Variants in GNA14 observed in about 807,000 individuals in gnomAD.
The protein encoded by GNA14 is guanine nucleotide-binding protein subunit alpha-14.
Under a neutral mutation model 42.0 loss-of-function variants are expected in GNA14, and 50 were observed. The observed-to-expected ratio is 1.19, with a 90% confidence interval of 0.95 to 1.51. GNA14 has a LOEUF of 1.51. Ranked by LOEUF, GNA14 falls within the 40% of genes most tolerant of loss-of-function variation. The pLI is 0.00. For missense variants in GNA14, 473 were observed against 446.2 expected, an observed-to-expected ratio of 1.06 and a Z score of -0.54; for synonymous variants, 173 against 163.1, an observed-to-expected ratio of 1.06 and a Z score of -0.46.
intron 1 of GNA14, among the ~76,000 whole-genome samples, chr9:77,623,763 T>C (rs1028445782): frequency 1.3e-5 from 2 of 152,166 alleles, no homozygotes; most frequent in African/African-American, 4.8e-5. Context: ...CCGACGGTCT[T>C]CGGAACCCGC....
intron 2 of GNA14, among the ~76,000 whole-genome samples, chr9:77,448,121 G>C (rs1377430945): frequency 1.3e-5 from 2 of 152,216 alleles, no homozygotes; most frequent in Non-Finnish European, 2.9e-5. Context: ...GCTATGCCTT[G>C]TGATATGATC....
chr9:77,637,347 A>G (rs985068003), intron 1 of GNA14, among the ~76,000 whole-genome samples: 15 of 152,150 alleles, frequency 9.9e-5, no homozygotes, highest in African/African-American at 2.9e-4. Flanking sequence ...TAAACCTAAG[A>G]AGCACACACT....
At chr9:77,431,203 A>G in intron 4 of GNA14, 118 bp downstream of exon 4, 1 of 872,240 alleles carries the variant, frequency 1.1e-6, no homozygotes, top group Non-Finnish European at 1.8e-6. Flanking sequence ...CTTGGCAGAG[A>G]GGGTCACTCT....
intron 2 of GNA14, among the ~76,000 whole-genome samples, chr9:77,510,771 A>G (rs1037003474): frequency 3.3e-5 from 5 of 152,182 alleles, no homozygotes; most frequent in African/African-American, 1.2e-4. Context: ...CCCCTAGGAT[A>G]TAATTAGGAG....
At chr9:77,431,185 T>C in intron 4 of GNA14, 136 bp downstream of exon 4, 1 of 765,272 alleles carries the variant, frequency 1.3e-6, no homozygotes, top group Non-Finnish European at 2.1e-6. Context: ...ACCACAATTC[T>C]AAATACCCTT....
In GNA14 at chr9:77,644,037, C is replaced by T. The variant is rs143604293; in HGVS notation, c.124+3633G>A. Among the ~76,000 whole-genome samples the T allele has an allele frequency of 4.3e-3, 648 of 152,218 alleles. 1 individual carries two copies. The highest frequency in any genetic ancestry group is 6.6e-3 in the Non-Finnish European group (452 of 68,010). On this transcript the variant is annotated intron_variant, in intron 1 of 6. Coordinates refer to ENST00000341700, the MANE Select transcript of GNA14 (RefSeq NM_004297.4). The stretch of plus-strand genomic sequence containing the variant: ...TGTTTCTGGCTGAATTTAGTCCTCC[C>T]GCCAAAGTTTTTATGTTGAAATCCC...
At chr9:77,517,838 G>A (rs928741766) in intron 2 of GNA14, among the ~76,000 whole-genome samples, 5 of 151,730 alleles carry the variant, frequency 3.3e-5, no homozygotes, top group African/African-American at 1.2e-4. Context: ...CTCCTGGGCT[G>A]AAGCAATCCA....
At chr9:77,577,322 A>T (rs1417265539) in intron 1 of GNA14, among the ~76,000 whole-genome samples, 2 of 152,226 alleles carry the variant, frequency 1.3e-5, no homozygotes, top group Non-Finnish European at 2.9e-5. Flanking sequence ...TGAATTCCAG[A>T]TCAATCCTAT....
chr9:77,604,203 C>G (rs558040964), intron 1 of GNA14, among the ~76,000 whole-genome samples: 1 of 152,142 alleles, frequency 6.6e-6, no homozygotes, highest in Non-Finnish European at 1.5e-5. Context: ...CTTCAGTCAA[C>G]AAATTTGCAA....
Position 77,583,752 on chromosome 9 carries a change from G to A in GNA14, c.125-54499C>T, listed in dbSNP as rs536941315. On this transcript the variant is annotated intron_variant, in intron 1 of 6. Transcript: ENST00000341700. Reference sequence around the variant, plus strand: ...AACTTTTCTGTGCATACCACCTGGGGATCTTGTTAAAAATGCAGAGTCTGA... The same window carrying A: ...AACTTTTCTGTGCATACCACCTGGGAATCTTGTTAAAAATGCAGAGTCTGA... Among the ~76,000 whole-genome samples, 3 of 152,204 alleles carry A rather than the reference G, an allele frequency of 2.0e-5. No homozygotes were observed. The South Asian group carries it at 6.2e-4, about 32-fold the overall frequency.
At chr9:77,618,972 C>G (rs1480722043) in intron 1 of GNA14, among the ~76,000 whole-genome samples, 2 of 151,792 alleles carry the variant, frequency 1.3e-5, no homozygotes, top group Non-Finnish European at 2.9e-5. Context: ...CATATATTAA[C>G]AATAATTTTA....
chr9:77,448,719 C>T (rs1835862338), intron 2 of GNA14, among the ~76,000 whole-genome samples: 1 of 152,154 alleles, frequency 6.6e-6, no homozygotes. Flanking sequence ...CCCATAAACT[C>T]TTTGCCAGGC....
intron 1 of GNA14, 47 bp from the exon 2 acceptor site, chr9:77,529,300 G>C (rs1360780967): frequency 4.9e-6 from 7 of 1,435,898 alleles, no homozygotes; most frequent in Non-Finnish European, 5.9e-6. Flanking sequence ...ACTTCCAAAG[G>C]AACACACGAA....
intron 2 of GNA14, 52 bp from the exon 3 acceptor site, chr9:77,434,574 C>A: frequency 6.6e-7 from 1 of 1,505,784 alleles, no homozygotes; most frequent in Non-Finnish European, 9.2e-7. Context: ...GAAGCCAACC[C>A]ATTGGCAATG....
intron 1 of GNA14, among the ~76,000 whole-genome samples, chr9:77,583,303 C>T (rs965164814): frequency 1.3e-5 from 2 of 152,178 alleles, no homozygotes; most frequent in Admixed American, 6.5e-5. Flanking sequence ...TAAATTTACA[C>T]CCGAGGTCAT....
chr9:77,535,290 G>C (rs1353627747), intron 1 of GNA14, among the ~76,000 whole-genome samples: 2 of 152,218 alleles, frequency 1.3e-5, no homozygotes, highest in African/African-American at 2.4e-5. Flanking sequence ...TGTAATCCCA[G>C]CACTTTGGGA....
chr9:77,544,671 CAAAAAAA>C (rs397959672), intron 1 of GNA14, among the ~76,000 whole-genome samples: 1 of 58,558 alleles, frequency 1.7e-5, no homozygotes. Flanking sequence ...CACTGCATCT[CAAAAAAA>C]AAAAAAAAAA....
At chr9:77,551,143 A>T (rs554870750) in intron 1 of GNA14, among the ~76,000 whole-genome samples, 1 of 152,198 alleles carries the variant, frequency 6.6e-6, no homozygotes, top group South Asian at 2.1e-4. Context: ...ATTATACTTT[A>T]TACAGAATGT....
At chr9:77,640,871 C>CAAAAAAA (rs1178043976) in intron 1 of GNA14, among the ~76,000 whole-genome samples, 8 of 27,364 alleles carry the variant, frequency 2.9e-4, no homozygotes, top group African/African-American at 6.1e-4. Flanking sequence ...ATAAAATGCT[C>CAAAAAAA]AAAAAAAAAA....
Sources: allele counts gnomAD v4.1 joint callset (sites outside exome capture counted in the v4.1 genomes callset), GRCh38; gene constraint gnomAD v4.1.1; transcripts MANE v1.5; gene names NCBI Gene and HGNC (gene_info 2026-07-23, HGNC 2026-07-21).